Variants in SPIN1 observed in about 807,000 individuals in gnomAD.
The protein encoded by SPIN1 is spindlin 1, also known as spindlin-1.
SPIN1 carries 3 observed loss-of-function variants against 26.0 expected under a neutral mutation model. That is an observed-to-expected ratio of 0.12 (90% confidence interval 0.05 to 0.30). The LOEUF is 0.30. Ranked by LOEUF, SPIN1 falls within the 10% of genes least tolerant of loss-of-function variation. The pLI, the probability that SPIN1 is intolerant of heterozygous loss-of-function variation, is 1.00. For synonymous variants in SPIN1, 101 were observed against 116.5 expected (o/e 0.87, Z 0.86); for missense variants, 126 against 333.4 (o/e 0.38, Z 4.84).
chr9:88,432,834 G>A (rs1206231031), intron 2 of SPIN1, among the ~76,000 whole-genome samples: 1 of 151,500 alleles, frequency 6.6e-6, no homozygotes, highest in Non-Finnish European at 1.5e-5. Context: ...ATTTTCCCAC[G>A]TTTTCTGTTT....
chr9:88,440,205 A>G (rs1225781110), intron 2 of SPIN1, among the ~76,000 whole-genome samples: 1 of 137,774 alleles, frequency 7.3e-6, no homozygotes, highest in East Asian at 2.1e-4. Flanking sequence ...CATGTTACAA[A>G]GGCTGGTCTC....
chr9:88,422,860 C>A (rs1347691390), intron 1 of SPIN1, among the ~76,000 whole-genome samples: 1 of 152,070 alleles, frequency 6.6e-6, no homozygotes, highest in Non-Finnish European at 1.5e-5. Flanking sequence ...CAGCTGCCCA[C>A]CACCATGCCT....
At chr9:88,437,066 C>T (rs898311720) in intron 2 of SPIN1, among the ~76,000 whole-genome samples, 1 of 151,990 alleles carries the variant, frequency 6.6e-6, no homozygotes, top group African/African-American at 2.4e-5. Context: ...CGCCCGGCCT[C>T]CTCTGTGTCT....
chr9:88,475,407 A>ACAAAACCAGTT lies in SPIN1; in HGVS notation c.*131_*132insAAAACCAGTTC. 1 of 943,272 alleles carries ACAAAACCAGTT rather than the reference A, an allele frequency of 1.1e-6. No individual in the cohort carries two copies. The highest frequency in any genetic ancestry group is 1.6e-6 in the Non-Finnish European group (1 of 631,692). The allele number at this position is 943,272 out of a possible 1,614,324, so 58.4% of individuals were successfully genotyped here. A position where few individuals can be genotyped will look rare whatever the true frequency, so the allele number is the denominator to read the frequency against. On this transcript the variant is annotated 3_prime_UTR_variant, in exon 6 of 6. Coordinates refer to ENST00000375859, the MANE Select transcript of SPIN1 (RefSeq NM_006717.3). ...CGAACCCACAATCTCTGCCAGCAGA[A>ACAAAACCAGTT]CTGGTTTTGTTCTGAATAGTACAGA...
At chr9:88,440,806 C>T (rs181242566) in intron 2 of SPIN1, among the ~76,000 whole-genome samples, 3 of 151,458 alleles carry the variant, frequency 2.0e-5, no homozygotes, top group Non-Finnish European at 2.9e-5. Flanking sequence ...CTTGAACTCT[C>T]AACCTCAGGT....
chr9:88,459,220 G>T lies in SPIN1; in HGVS notation c.102-3276G>T, dbSNP rs1264008322. ...CGGGGAGTAACTCATTGGATCTTTG[G>T]CTTAGAAATCAAAAGAAGATACGTA... is the stretch of plus-strand genomic sequence containing the variant. On this transcript the variant is annotated intron_variant, in intron 3 of 5. Coordinates refer to ENST00000375859, the MANE Select transcript of SPIN1 (RefSeq NM_006717.3). Among the ~76,000 whole-genome samples, 7 of 152,188 alleles carry T rather than the reference G, an allele frequency of 4.6e-5. No homozygotes were observed. The East Asian group carries it at 1.4e-3, about 29-fold the overall frequency.
In SPIN1 at chr9:88,427,924, A is replaced by G. The variant is rs534937653; in HGVS notation, c.52+1333A>G. On this transcript the variant is annotated intron_variant, in intron 2 of 5. Transcript: ENST00000375859. The stretch of plus-strand genomic sequence containing the variant: ...AAAAAATGGGACTATTAATGTACCT[A>G]TTGGGGTTAAGGACTAAATGAGATG... Among the ~76,000 whole-genome samples, 29 of 152,262 alleles carry G rather than the reference A, an allele frequency of 1.9e-4. No homozygotes were observed. In the South Asian group the frequency reaches 3.5e-3, roughly 19 times the overall value.
chr9:88,431,580 G>A (rs1827872411), intron 2 of SPIN1, among the ~76,000 whole-genome samples: 1 of 152,216 alleles, frequency 6.6e-6, no homozygotes, highest in Non-Finnish European at 1.5e-5. Flanking sequence ...GTAGGCCACT[G>A]TGCCCAGCTT....
chr9:88,402,674 G>A lies in SPIN1; in HGVS notation c.-159+14136G>A, dbSNP rs182993168. Among the ~76,000 whole-genome samples the A allele has an allele frequency of 2.2e-3, 328 of 152,182 alleles. 1 individual carries two copies. The highest frequency in any genetic ancestry group is 7.7e-3 in the African/African-American group (321 of 41,540). On this transcript the variant is annotated intron_variant, in intron 1 of 5. Coordinates refer to ENST00000375859, the MANE Select transcript of SPIN1 (RefSeq NM_006717.3). ...TTCTGGCTGAATAGCATTCCATTGT[G>A]TATACATGCCACGTTTTCTTTATCT...
At chr9:88,410,463 T>C (rs1378220878) in intron 1 of SPIN1, 16 of 686,080 alleles carry the variant, frequency 2.3e-5, no homozygotes, top group Admixed American at 6.0e-5. Flanking sequence ...TTCACAAATC[T>C]GTTTTAACCT....
At chr9:88,444,638 G>T (rs1182268819) in intron 2 of SPIN1, among the ~76,000 whole-genome samples, 1 of 150,612 alleles carries the variant, frequency 6.6e-6, no homozygotes, top group Non-Finnish European at 1.5e-5. Flanking sequence ...AGTGATGGTG[G>T]TCACTTTCAT....
chr9:88,401,073 T>C (rs1435452277), intron 1 of SPIN1, among the ~76,000 whole-genome samples: 2 of 152,186 alleles, frequency 1.3e-5, no homozygotes, highest in Non-Finnish European at 2.9e-5. Context: ...CTTGCATTGT[T>C]GGTGGAACTG....
intron 1 of SPIN1, among the ~76,000 whole-genome samples, chr9:88,418,500 T>C (rs958983782): frequency 6.6e-6 from 1 of 152,208 alleles, no homozygotes; most frequent in Admixed American, 6.5e-5. Context: ...TACTCCTGTA[T>C]ACTTTTTCAT....
intron 1 of SPIN1, among the ~76,000 whole-genome samples, chr9:88,422,209 T>A (rs1464135180): frequency 6.6e-6 from 1 of 152,210 alleles, no homozygotes; most frequent in Non-Finnish European, 1.5e-5. Context: ...ATGCAGGACC[T>A]TCTTCTTAAT....
chr9:88,397,470 C>T (rs954380054), intron 1 of SPIN1, among the ~76,000 whole-genome samples: 1 of 152,080 alleles, frequency 6.6e-6, no homozygotes, highest in Non-Finnish European at 1.5e-5. Flanking sequence ...CCTGGAATGC[C>T]TTTCTTTGTT....
intron 2 of SPIN1, among the ~76,000 whole-genome samples, chr9:88,432,180 G>GC (rs1288496472): frequency 0.04 from 610 of 15,154 alleles, 9 homozygotes; most frequent in African/African-American, 0.13. Context: ...TGCCCGTCCC[G>GC]CCCCCCCCAC....
At chr9:88,405,311 C>T (rs979419834) in intron 1 of SPIN1, among the ~76,000 whole-genome samples, 4 of 152,088 alleles carry the variant, frequency 2.6e-5, no homozygotes, top group African/African-American at 9.6e-5. Flanking sequence ...TCACTGCAAC[C>T]TCCACCTCCC....
intron 2 of SPIN1, among the ~76,000 whole-genome samples, chr9:88,434,468 A>G (rs533274436): frequency 4.6e-5 from 7 of 152,092 alleles, no homozygotes; most frequent in African/African-American, 1.7e-4. Flanking sequence ...GATATAATAA[A>G]GCTATATATT....
At chr9:88,426,803 A>G (rs569782009) in intron 2 of SPIN1, among the ~76,000 whole-genome samples, 2 of 152,338 alleles carry the variant, frequency 1.3e-5, no homozygotes, top group Admixed American at 6.5e-5. Flanking sequence ...TTAGCAGGTT[A>G]TAAATGTCTA....
Sources: allele counts gnomAD v4.1 joint callset (sites outside exome capture counted in the v4.1 genomes callset), GRCh38; gene constraint gnomAD v4.1.1; transcripts MANE v1.5; gene names NCBI Gene and HGNC (gene_info 2026-07-23, HGNC 2026-07-21).